AFF3: variants seen among roughly 807,000 people sequenced by gnomAD.
AFF3 encodes the protein AF4/FMR2 family member 3.
A neutral mutation model predicts 129.7 loss-of-function variants in AFF3; 32 were observed. The ratio of observed to expected loss-of-function variants is 0.25; its 90% CI spans 0.19 to 0.33. The LOEUF is 0.33. Among genes scored for constraint, AFF3 ranks in the 10% least tolerant of loss-of-function variants. The pLI is 1.00. For missense variants in AFF3, 1,373 were observed against 1,592.0 expected (o/e 0.86, Z 2.34); for synonymous variants, 644 against 635.4 (o/e 1.01, Z -0.20).
chr2:99,842,708 T>C (rs1689406422), intron 7 of AFF3, among the ~76,000 whole-genome samples: 1 of 152,140 alleles, frequency 6.6e-6, no homozygotes, highest in Non-Finnish European at 1.5e-5. Flanking sequence ...TGCCAAGAAA[T>C]GTACAGAACT....
At chr2:100,039,766 C>T (rs1270547656) in intron 4 of AFF3, among the ~76,000 whole-genome samples, 2 of 152,278 alleles carry the variant, frequency 1.3e-5, no homozygotes, top group African/African-American at 4.8e-5. Context: ...CACTTACTGG[C>T]TGGCTCTGGT....
chr2:99,833,883 G>T (rs1688676255), intron 8 of AFF3, among the ~76,000 whole-genome samples: 1 of 152,088 alleles, frequency 6.6e-6, no homozygotes, highest in South Asian at 2.1e-4. Flanking sequence ...TCAGTTAAGA[G>T]AATTTTGCAA....
chr2:99,875,661 T>G (rs2105985775), intron 7 of AFF3, among the ~76,000 whole-genome samples: 1 of 152,290 alleles, frequency 6.6e-6, no homozygotes, highest in East Asian at 1.9e-4. Flanking sequence ...GTACTCAATA[T>G]AGATGTGTTG....
chr2:100,016,360 GTAGTGA>G (rs1683064527), intron 4 of AFF3, among the ~76,000 whole-genome samples: 1 of 150,956 alleles, frequency 6.6e-6, no homozygotes, highest in Non-Finnish European at 1.5e-5. Flanking sequence ...GGTGATGGTG[GTAGTGA>G]TGGTGATGGT....
chr2:100,115,889 T>C (rs1017139495), intron 2 of AFF3, among the ~76,000 whole-genome samples: 2 of 152,230 alleles, frequency 1.3e-5, no homozygotes, highest in Non-Finnish European at 2.9e-5. Context: ...TTTCCTTAAG[T>C]ACTTTGAGTG....
chr2:99,640,363 G>T (rs945683993), intron 13 of AFF3, among the ~76,000 whole-genome samples: 5 of 151,994 alleles, frequency 3.3e-5, no homozygotes, highest in African/African-American at 9.7e-5. Context: ...GTGGTGCGAT[G>T]AGGTAATTAC....
At chr2:99,561,927 G>A (rs1026158635) in intron 20 of AFF3, among the ~76,000 whole-genome samples, 1 of 152,086 alleles carries the variant, frequency 6.6e-6, no homozygotes, top group African/African-American at 2.4e-5. Flanking sequence ...TTGAAGAATA[G>A]TTTCACTGAC....
At chr2:100,063,780 C>T (rs1687490395) in intron 4 of AFF3, among the ~76,000 whole-genome samples, 1 of 151,992 alleles carries the variant, frequency 6.6e-6, no homozygotes, top group Non-Finnish European at 1.5e-5. Context: ...CACAGATATA[C>T]TAATCAGGGT....
chr2:100,047,384 C>T (rs1028121830), intron 4 of AFF3, among the ~76,000 whole-genome samples: 13 of 152,198 alleles, frequency 8.5e-5, no homozygotes, highest in Non-Finnish European at 2.9e-5. Flanking sequence ...AATGCAATTA[C>T]TGATTTACTT....
At chr2:100,126,429 A>G (rs890733091) in intron 2 of AFF3, among the ~76,000 whole-genome samples, 4 of 152,236 alleles carry the variant, frequency 2.6e-5, no homozygotes, top group Non-Finnish European at 5.9e-5. Flanking sequence ...ATGTGGATGC[A>G]CACAGATCCA....
At chr2:100,066,311 G>A (rs1467182205) in intron 4 of AFF3, among the ~76,000 whole-genome samples, 2 of 152,140 alleles carry the variant, frequency 1.3e-5, no homozygotes, top group Admixed American at 6.6e-5. Flanking sequence ...GAATCAAACG[G>A]AGAGTAGAAT....
chr2:99,760,066 T>C (rs117239871), intron 8 of AFF3, among the ~76,000 whole-genome samples: 3 of 152,178 alleles, frequency 2.0e-5, no homozygotes, highest in Non-Finnish European at 4.4e-5. Context: ...GAAACTAGTA[T>C]AGTTCCCCTC....
chr2:99,904,705 C>T (rs888524671), intron 7 of AFF3, among the ~76,000 whole-genome samples: 4 of 152,068 alleles, frequency 2.6e-5, no homozygotes, highest in African/African-American at 7.2e-5. Context: ...TTCCCTTTGC[C>T]GCTTCCCCAG....
intron 4 of AFF3, among the ~76,000 whole-genome samples, chr2:100,084,746 T>G (rs1253162422): frequency 3.3e-5 from 5 of 151,794 alleles, no homozygotes; most frequent in African/African-American, 7.3e-5. Flanking sequence ...TATAAAATAG[T>G]TTTTTCATAA....
chr2:99,742,692 T>G (rs996294582), intron 10 of AFF3, among the ~76,000 whole-genome samples: 1 of 152,252 alleles, frequency 6.6e-6, no homozygotes, highest in East Asian at 1.9e-4. Context: ...CTAGCTGTCA[T>G]TTTTTTAGCC....
At chr2:99,916,080 T>C (rs138969489) in intron 7 of AFF3, among the ~76,000 whole-genome samples, 61 of 152,266 alleles carry the variant, frequency 4.0e-4, no homozygotes, top group African/African-American at 1.5e-3. Context: ...CACCTTAAGG[T>C]GTTACTGTAG....
chr2:99,725,710 C>T (rs1178409721), intron 11 of AFF3, among the ~76,000 whole-genome samples: 1 of 152,180 alleles, frequency 6.6e-6, no homozygotes, highest in Non-Finnish European at 1.5e-5. Context: ...TGGGTGCCTA[C>T]TGAATGTGAT....
intron 11 of AFF3, among the ~76,000 whole-genome samples, chr2:99,689,365 T>A (rs904057582): frequency 1.3e-5 from 2 of 152,054 alleles, no homozygotes; most frequent in African/African-American, 4.8e-5. Context: ...CTTCTCTGAG[T>A]CTCGGCCTGG....
rs77475439 is a variant in AFF3 at position 99,700,923 on chromosome 2, G to A, written c.1091+26154C>T. Among the ~76,000 whole-genome samples, 646 of 152,344 alleles carry A rather than the reference G, an allele frequency of 4.2e-3. 4 individuals carry two copies. Among genetic ancestry groups the A allele is most frequent in the Non-Finnish European group, 7.9e-3 (537 of 68,034 alleles). On this transcript the variant is annotated intron_variant, in intron 11 of 24. Transcript: ENST00000672756. Reference sequence around the variant, plus strand: ...TGCCTGACCTCCTCGGAGTGAGCGTGAGACGGTCACGTGTACTCAGGGATT... The same window carrying A: ...TGCCTGACCTCCTCGGAGTGAGCGTAAGACGGTCACGTGTACTCAGGGATT...
Sources: allele counts gnomAD v4.1 joint callset (sites outside exome capture counted in the v4.1 genomes callset), GRCh38; gene constraint gnomAD v4.1.1; transcripts MANE v1.5; gene names NCBI Gene and HGNC (gene_info 2026-07-23, HGNC 2026-07-21).